Variants in MDGA2 observed in about 807,000 individuals in gnomAD.
MDGA2 encodes the protein MAM domain containing glycosylphosphatidylinositol anchor 2, also known as MAM domain-containing glycosylphosphatidylinositol anchor protein 2.
MDGA2 carries 40 observed loss-of-function variants against 117.8 expected under a neutral mutation model. The ratio of observed to expected loss-of-function variants is 0.34; its 90% CI spans 0.26 to 0.44. The LOEUF is 0.44. Among genes scored for constraint, MDGA2 ranks in the 20% least tolerant of loss-of-function variants. MDGA2 has a pLI of 1.00. For synonymous variants in MDGA2, 452 were observed against 439.0 expected, an observed-to-expected ratio of 1.03 and a Z score of -0.37; for missense variants, 1,123 against 1,250.6, an observed-to-expected ratio of 0.90 and a Z score of 1.54.
intron 1 of MDGA2, among the ~76,000 whole-genome samples, chr14:47,425,286 A>G (rs1200506101): frequency 6.6e-6 from 1 of 152,198 alleles, no homozygotes; most frequent in Non-Finnish European, 1.5e-5. Flanking sequence ...CTGGTAAAAC[A>G]GGTTTTAAAT....
chr14:46,920,714 A>AGAGG (rs555612314), intron 9 of MDGA2, among the ~76,000 whole-genome samples: 42 of 152,190 alleles, frequency 2.8e-4, no homozygotes, highest in Non-Finnish European at 5.6e-4. Context: ...CCGATGCCTG[A>AGAGG]GAGGGAACAA....
At chr14:47,355,096 G>C (rs1029786814) in intron 1 of MDGA2, among the ~76,000 whole-genome samples, 1 of 152,168 alleles carries the variant, frequency 6.6e-6, no homozygotes, top group Non-Finnish European at 1.5e-5. Flanking sequence ...AGCACAGTTG[G>C]AGTTTGTGGG....
chr14:47,159,145 T>C (rs773429218), intron 3 of MDGA2, among the ~76,000 whole-genome samples: 14 of 152,298 alleles, frequency 9.2e-5, no homozygotes, highest in Non-Finnish European at 1.5e-4. Flanking sequence ...TCCAAACCTA[T>C]AGAATTTACA....
intron 9 of MDGA2, among the ~76,000 whole-genome samples, chr14:46,938,157 T>C (rs1884850936): frequency 1.3e-5 from 2 of 152,114 alleles, no homozygotes; most frequent in South Asian, 4.1e-4. Context: ...TAGACATTTA[T>C]CAAAGAAGAC....
intron 3 of MDGA2, among the ~76,000 whole-genome samples, chr14:47,179,346 T>G (rs1472609816): frequency 6.6e-6 from 1 of 152,080 alleles, no homozygotes; most frequent in Non-Finnish European, 1.5e-5. Context: ...TCTATTTATA[T>G]TTACACTACA....
chr14:47,235,965 G>A (rs965280043), intron 2 of MDGA2, among the ~76,000 whole-genome samples: 6 of 152,008 alleles, frequency 3.9e-5, no homozygotes, highest in Non-Finnish European at 5.9e-5. Context: ...TGGGTCCAAG[G>A]GTCAAGAAGC....
chr14:47,587,918 A>G (rs538061100), intron 1 of MDGA2, among the ~76,000 whole-genome samples: 1 of 151,952 alleles, frequency 6.6e-6, no homozygotes, highest in Admixed American at 6.6e-5. Flanking sequence ...CCTCTTATCT[A>G]CTGTCTTTTC....
intron 1 of MDGA2, among the ~76,000 whole-genome samples, chr14:47,561,923 G>A (rs978368317): frequency 1.3e-5 from 2 of 152,100 alleles, no homozygotes; most frequent in African/African-American, 4.8e-5. Context: ...TTTGTTGAGG[G>A]TTTTTAACAT....
chr14:47,583,390 T>C (rs1896264920), intron 1 of MDGA2, among the ~76,000 whole-genome samples: 1 of 151,866 alleles, frequency 6.6e-6, no homozygotes, highest in African/African-American at 2.4e-5. Context: ...GAGCCTTTGA[T>C]TCACCTTGAC....
At chr14:47,574,357 C>T (rs1896076815) in intron 1 of MDGA2, among the ~76,000 whole-genome samples, 1 of 152,186 alleles carries the variant, frequency 6.6e-6, no homozygotes, top group African/African-American at 2.4e-5. Flanking sequence ...GTGCATCTTT[C>T]CTCTCCTGGG....
intron 14 of MDGA2, among the ~76,000 whole-genome samples, chr14:46,866,746 C>A (rs1881781357): frequency 6.6e-6 from 1 of 151,650 alleles, no homozygotes; most frequent in Non-Finnish European, 1.5e-5. Flanking sequence ...TGAACAGACA[C>A]TTCTCAAAAG....
intron 1 of MDGA2, among the ~76,000 whole-genome samples, chr14:47,471,989 T>A (rs958962939): frequency 4.6e-5 from 7 of 152,128 alleles, no homozygotes; most frequent in African/African-American, 1.7e-4. Context: ...GGCAATGTAA[T>A]ACAGTGGGGA....
chr14:46,981,484 G>A (rs952473918), intron 8 of MDGA2, among the ~76,000 whole-genome samples: 3 of 152,140 alleles, frequency 2.0e-5, no homozygotes, highest in African/African-American at 4.8e-5. Context: ...CAGCATTTCA[G>A]GCATTTTGAG....
chr14:47,322,814 A>T (rs1890019487), intron 1 of MDGA2, among the ~76,000 whole-genome samples: 1 of 152,158 alleles, frequency 6.6e-6, no homozygotes, highest in Non-Finnish European at 1.5e-5. Context: ...AAAATCATAA[A>T]GCCAAAATAC....
intron 2 of MDGA2, among the ~76,000 whole-genome samples, chr14:47,255,596 C>A (rs1887591082): frequency 6.6e-6 from 1 of 152,150 alleles, no homozygotes; most frequent in Admixed American, 6.5e-5. Flanking sequence ...TCCTCATTTT[C>A]TTTTCAGCTT....
intron 10 of MDGA2, among the ~76,000 whole-genome samples, chr14:46,895,595 G>A (rs182832262): frequency 7.3e-4 from 111 of 152,006 alleles, no homozygotes; most frequent in Non-Finnish European, 1.3e-3. Flanking sequence ...GCGTGGTGGC[G>A]GGCGCCTGTA....
intron 1 of MDGA2, among the ~76,000 whole-genome samples, chr14:47,397,503 A>C (rs373536825): frequency 2.6e-5 from 4 of 152,166 alleles, no homozygotes; most frequent in East Asian, 3.9e-4. Flanking sequence ...CCAAAAAAAA[A>C]CCCAAACAAA....
chr14:47,179,457 A>G (rs1281293185), intron 3 of MDGA2, among the ~76,000 whole-genome samples: 1 of 152,024 alleles, frequency 6.6e-6, no homozygotes, highest in Non-Finnish European at 1.5e-5. Context: ...GTAAACTATT[A>G]TATATTTGTG....
chr14:47,300,625 G>A (rs1889244296), intron 2 of MDGA2, among the ~76,000 whole-genome samples: 1 of 151,796 alleles, frequency 6.6e-6, no homozygotes, highest in Non-Finnish European at 1.5e-5. Flanking sequence ...GAGTAGCTGA[G>A]ACTACGGGTG....
Sources: gnomAD v4.1 joint callset for allele counts (sites outside exome capture counted in the v4.1 genomes callset) on GRCh38, gnomAD v4.1.1 for gene constraint, MANE v1.5 for transcripts, NCBI Gene and HGNC (gene_info 2026-07-23, HGNC 2026-07-21) for gene names.